The following ITGB1BP1 variants were observed in gnomAD, a reference collection of about 807,000 sequenced individuals.
The protein encoded by ITGB1BP1 is integrin subunit beta 1 binding protein 1.
In ITGB1BP1, 20 loss-of-function variants were observed where a neutral mutation model predicts 28.0. The ratio of observed to expected loss-of-function variants is 0.71; its 90% CI spans 0.50 to 1.04. The LOEUF is 1.04. Among genes scored for constraint, ITGB1BP1 ranks in the 50% least tolerant of loss-of-function variants. ITGB1BP1 has a pLI of 0.00. For missense variants in ITGB1BP1, 228 were observed against 242.5 expected (o/e 0.94, Z 0.40); for synonymous variants, 103 against 89.5 (o/e 1.15, Z -0.85).
At chr2:9,421,948 G>A (rs1325353606) in intron 1 of ITGB1BP1, among the ~76,000 whole-genome samples, 3 of 152,030 alleles carry the variant, frequency 2.0e-5, no homozygotes, top group Non-Finnish European at 4.4e-5. Flanking sequence ...TACCCCACCT[G>A]AAGAGCTCTC....
chr2:9,412,424 T>C lies in ITGB1BP1; in HGVS notation c.152-19A>G. On this transcript the variant is annotated intron_variant, in intron 3 of 6. Transcript: ENST00000355346. ...CTTTGTCCTGAAGATGAAAGAAAAG[T>C]GGTAAGACTTAAGAAGAAATATCTG... The C allele has an allele frequency of 1.3e-6, 2 of 1,589,970 alleles. No homozygotes were observed. The highest frequency in any genetic ancestry group is 1.7e-6 in the Non-Finnish European group (2 of 1,171,270).
intron 4 of ITGB1BP1, chr2:9,408,548 C>A: frequency 4.9e-6 from 1 of 204,156 alleles, no homozygotes; most frequent in Non-Finnish European, 1.0e-5. Context: ...TCATGTTGGC[C>A]AGGCTGGTCT....
chr2:9,409,882 T>C (rs1401535084), intron 4 of ITGB1BP1, among the ~76,000 whole-genome samples: 1 of 150,512 alleles, frequency 6.6e-6, no homozygotes, highest in African/African-American at 2.4e-5. Context: ...TCTGCTCTTG[T>C]TGCCCAGGCT....
rs1677391982 is a variant in ITGB1BP1, at chr2:9,406,505, TCTCGTCTTCCTCAGGCCTTCA to T, written c.*308_*328del. The T allele has an allele frequency of 1.7e-5, 3 of 172,110 alleles. No homozygotes were observed. Among genetic ancestry groups the T allele is most frequent in the East Asian group, 2.8e-4 (2 of 7,258 alleles). The allele number at this position is 172,110 out of a possible 1,614,324, so 10.7% of individuals were successfully genotyped here. ...TGTCACTGAGTGGACCTCTGTGACA[TCTCGTCTTCCTCAGGCCTTCA>T]GTGTGTGTTTGTCACTGAGTGGACC... On this transcript the variant is annotated 3_prime_UTR_variant, in exon 7 of 7. Coordinates refer to ENST00000355346, the MANE Select transcript of ITGB1BP1 (RefSeq NM_004763.5).
intron 1 of ITGB1BP1, chr2:9,422,680 C>G (rs1680040155): frequency 1.0e-6 from 1 of 985,530 alleles, no homozygotes; most frequent in Non-Finnish European, 1.2e-6. Context: ...GACGCGCTTA[C>G]TGAAGCCGAG....
chr2:9,419,345 T>TACTA (rs1237156017), intron 1 of ITGB1BP1, among the ~76,000 whole-genome samples: 1 of 152,216 alleles, frequency 6.6e-6, no homozygotes, highest in Non-Finnish European at 1.5e-5. Flanking sequence ...TAGCAAAATA[T>TACTA]ACTATGACAC....
rs1677220867 is a variant in ITGB1BP1 at position 9,405,945 on chromosome 2, G to A, written c.*889C>T. The A allele has an allele frequency of 6.6e-6, 1 of 152,246 alleles. No individual in the cohort carries two copies. The highest frequency in any genetic ancestry group is 2.4e-5 in the African/African-American group (1 of 41,452). The allele number at this position is 152,246 out of a possible 1,614,324, so 9.4% of individuals were successfully genotyped here. ...ATCCTGGTCTCCAGTCCACACCTCT[G>A]CCGGACAGAGGTCCATGCCAGTGAT... is the stretch of plus-strand genomic sequence containing the variant. On this transcript the variant is annotated 3_prime_UTR_variant, in exon 7 of 7. Transcript: ENST00000355346.
In ITGB1BP1 at chr2:9,406,898, G is replaced by A; in HGVS notation, c.539C>T (p.Ala180Val). ...GGATAAAACCTTGCAAATGGCTTGTGCTTGTTCCTACATTACATGAAAGAT... is the reference window on the plus strand; with the variant it reads ...GGATAAAACCTTGCAAATGGCTTGTACTTGTTCCTACATTACATGAAAGAT... ...WVYQCNSLEQ[A>V]QAICKVLSTA... Residue 180 changes from alanine (A) to valine (V), a missense_variant, in exon 7 of 7, where the codon GCA (alanine) becomes GTA (valine). Coordinates refer to ENST00000355346, the MANE Select transcript of ITGB1BP1 (RefSeq NM_004763.5). 6.2e-7 allele frequency: 1 copy of A among 1,610,606 alleles called. No individual in the cohort carries two copies. Among genetic ancestry groups the A allele is most frequent in the Non-Finnish European group, 8.5e-7 (1 of 1,176,782 alleles).
At chr2:9,406,942 A>ATCTG (rs755934859) in intron 6 of ITGB1BP1, 37 bp from the exon 7 acceptor site, 6 of 1,488,760 alleles carry the variant, frequency 4.0e-6, no homozygotes, top group Middle Eastern at 1.7e-4. Flanking sequence ...AGCAACATTC[A>ATCTG]TCTGTCTCTT....
At chr2:9,417,673 C>T (rs1487936386) in intron 2 of ITGB1BP1, among the ~76,000 whole-genome samples, 1 of 152,166 alleles carries the variant, frequency 6.6e-6, no homozygotes, top group Non-Finnish European at 1.5e-5. Context: ...CCTGCCTTGG[C>T]CTCCCAAAGT....
rs1300325044 is a variant in ITGB1BP1, at chr2:9,423,421, G to A, written c.-84C>T. On this transcript the variant is annotated 5_prime_UTR_variant, in exon 1 of 7. Coordinates refer to ENST00000355346, the MANE Select transcript of ITGB1BP1 (RefSeq NM_004763.5). The stretch of plus-strand genomic sequence containing the variant: ...GGGTTGCGGACTTCGGGGTCCGCGT[G>A]GGAGTGCCGCGGCCTTTGGCGCCCA... The A allele has an allele frequency of 1.7e-6, 2 of 1,147,374 alleles. No individual in the cohort carries two copies. Among genetic ancestry groups the A allele is most frequent in the Non-Finnish European group, 2.2e-6 (2 of 924,846 alleles). The allele number at this position is 1,147,374 out of a possible 1,614,324, so 71.1% of individuals were successfully genotyped here. A position where few individuals can be genotyped will look rare whatever the true frequency, so the allele number is the denominator to read the frequency against.
At chr2:9,413,734 G>A (rs1284589115) in intron 3 of ITGB1BP1, among the ~76,000 whole-genome samples, 1 of 152,122 alleles carries the variant, frequency 6.6e-6, no homozygotes, top group Non-Finnish European at 1.5e-5. Flanking sequence ...ATGAGCTGGT[G>A]AATCTCTGGG....
chr2:9,412,042 CAAAAAAAAAA>C, intron 4 of ITGB1BP1: 1 of 228,220 alleles, frequency 4.4e-6, no homozygotes, highest in Non-Finnish European at 7.5e-6. Flanking sequence ...AACTTGGTCT[CAAAAAAAAAA>C]AAAAAAAAAA....
intron 1 of ITGB1BP1, 38 bp downstream of exon 1, chr2:9,423,335 G>A (rs1251866500): frequency 4.9e-6 from 6 of 1,217,016 alleles, no homozygotes; most frequent in Non-Finnish European, 5.2e-6. Flanking sequence ...AGGCCTCCGC[G>A]AGCTCGGCCC....
chr2:9,419,076 G>C (rs531047629), intron 1 of ITGB1BP1, among the ~76,000 whole-genome samples: 3 of 152,224 alleles, frequency 2.0e-5, no homozygotes, highest in Non-Finnish European at 2.9e-5. Context: ...TTTGATATTG[G>C]TTACAGTTAC....
intron 2 of ITGB1BP1, among the ~76,000 whole-genome samples, chr2:9,417,116 A>G (rs2148902708): frequency 6.6e-6 from 1 of 152,062 alleles, no homozygotes; most frequent in South Asian, 2.1e-4. Context: ...GTGACCCCCA[A>G]CAAAACTTAT....
intron 3 of ITGB1BP1, among the ~76,000 whole-genome samples, chr2:9,413,036 A>G (rs966893154): frequency 6.6e-6 from 1 of 152,206 alleles, no homozygotes; most frequent in East Asian, 1.9e-4. Context: ...TGTGTGCCGC[A>G]ACATCCAGCC....
intron 2 of ITGB1BP1, among the ~76,000 whole-genome samples, chr2:9,416,842 C>T (rs113334794): frequency 6.6e-6 from 1 of 152,090 alleles, no homozygotes; most frequent in Admixed American, 6.6e-5. Context: ...GGTAGAAACA[C>T]CTGGAATGAA....
chr2:9,404,793 A>C lies in ITGB1BP1; in HGVS notation c.*2041T>G, dbSNP rs1298436937. On this transcript the variant is annotated 3_prime_UTR_variant, in exon 7 of 7. Transcript: ENST00000355346. ...TTTTTGTTATAAAGGAAGACAGAAC[A>C]AACTGGAATGTTTTATGATGTTGTA... 6.6e-6 allele frequency: 1 copy of C among 152,460 alleles called. No individual in the cohort carries two copies. Among genetic ancestry groups the C allele is most frequent in the Non-Finnish European group, 1.5e-5 (1 of 67,998 alleles). 9.4% of individuals were successfully genotyped at this position (152,460 alleles called of 1,614,324 possible).
Sources: gnomAD v4.1 joint callset for allele counts (sites outside exome capture counted in the v4.1 genomes callset) on GRCh38, gnomAD v4.1.1 for gene constraint, MANE v1.5 for transcripts, NCBI Gene and HGNC (gene_info 2026-07-23, HGNC 2026-07-21) for gene names.